Variants in OGT observed in about 807,000 individuals in gnomAD.
OGT encodes the protein UDP-N-acetylglucosamine--peptide N-acetylglucosaminyltransferase 110 kDa subunit.
A neutral mutation model predicts 75.8 loss-of-function variants in OGT; 3 were observed. The ratio of observed to expected loss-of-function variants is 0.04; its 90% CI spans 0.02 to 0.10. The LOEUF (loss-of-function observed/expected upper bound fraction) is 0.10, where lower values mean the gene tolerates loss of function less well. Among genes scored for constraint, OGT ranks in the 10% least tolerant of loss-of-function variants. OGT has a pLI of 1.00. For missense variants in OGT, 260 were observed against 824.4 expected, an observed-to-expected ratio of 0.32 and a Z score of 8.38; for synonymous variants, 257 against 289.7, an observed-to-expected ratio of 0.89 and a Z score of 1.15.
chrX:71,537,829 A>G lies in OGT; in HGVS notation c.219A>G (p.Arg73=). 8.3e-7 allele frequency: 1 copy of G among 1,211,706 alleles called. No homozygotes were observed. Residue 73 remains arginine, a splice_region_variant and synonymous_variant, in exon 3 of 22, where the codon AGA becomes AGG. Coordinates refer to ENST00000373719, the MANE Select transcript of OGT (RefSeq NM_181672.3). ...CATTAACACTTGTCGCCTTTTCCAG[A>G]TCTGCTCACTTTAGCACTCTGGCAA... ...SIHFQCRRLD[R]SAHFSTLAIK...
In OGT at chrX:71,552,330, T is replaced by A. The variant is rs529130824; in HGVS notation, c.649-2183T>A. Among the ~76,000 whole-genome samples, 33 of 111,252 alleles carry A rather than the reference T, an allele frequency of 3.0e-4. No individual in the cohort carries two copies. In the South Asian group the frequency reaches 6.4e-3, roughly 21 times the overall value. ...AACTCAGAGAGGCACATTGACAAAT[T>A]ATATCTGTCTTATTTGGATCCTGAC... On this transcript the variant is annotated intron_variant, in intron 5 of 21. Coordinates refer to ENST00000373719, the MANE Select transcript of OGT (RefSeq NM_181672.3).
intron 3 of OGT, among the ~76,000 whole-genome samples, chrX:71,541,949 C>G (rs1054330178): frequency 4.5e-5 from 5 of 111,363 alleles, no homozygotes; most frequent in Non-Finnish European, 9.4e-5. Context: ...GTGCCCTCCT[C>G]CTTTGTCTAT....
chrX:71,546,541 C>T (rs2040260068), intron 4 of OGT: 3 of 752,796 alleles, frequency 4.0e-6, no homozygotes, highest in Admixed American at 1.8e-4. Flanking sequence ...ATGCCTGAAT[C>T]TTCTGTCTTG....
Position 71,564,753 on chromosome X carries a change from C to T in OGT, c.2589C>T (p.Asn863=). The T allele has an allele frequency of 2.5e-6, 3 of 1,178,270 alleles. No homozygotes were observed. The highest frequency in any genetic ancestry group is 3.4e-6 in the Non-Finnish European group (3 of 871,590). ...CTTCTACTTTGCAGATGTGGGCAAACGTGAGTATGCAAGTATGTTAGAGAC... is the reference window on the plus strand; with the variant it reads ...CTTCTACTTTGCAGATGTGGGCAAATGTGAGTATGCAAGTATGTTAGAGAC... ...IDPSTLQMWA[N]ILKRVPNSVL... is the part of the protein sequence containing the mutation. Residue 863 remains asparagine, a splice_region_variant and synonymous_variant, in exon 19 of 22, where the codon AAC becomes AAT. Transcript: ENST00000373719.
chrX:71,567,732 C>T lies in OGT; in HGVS notation c.2822C>T (p.Thr941Ile). 1 of 1,194,480 alleles carries T rather than the reference C, an allele frequency of 8.4e-7. No homozygotes were observed. Among genetic ancestry groups the T allele is most frequent in the Non-Finnish European group, 1.1e-6 (1 of 883,997 alleles). The change falls in exon 20 of 22, where the codon ACC (threonine) becomes ATC (isoleucine). Residue 941 changes from threonine (T) to isoleucine (I), a missense_variant. Physicochemically the swap from Thr to Ile is moderately conservative, Grantham distance 89. This residue lies in a region of OGT where 9 missense variants were observed against 52.2 expected (regional missense o/e 0.17). Coordinates refer to ENST00000373719, the MANE Select transcript of OGT (RefSeq NM_181672.3). ...GGGATGGATGTCCTCTGGGCAGGGA[C>T]CCCCATGGTGACTATGCCAGGTAAG... ...TTGMDVLWAG[T>I]PMVTMPGETL...
chrX:71,572,044 C>T (rs1402768514), intron 21 of OGT, among the ~76,000 whole-genome samples: 5 of 111,456 alleles, frequency 4.5e-5, no homozygotes, highest in Non-Finnish European at 9.4e-5. Flanking sequence ...GCTGGGATTA[C>T]AGGTGTGAGC....
intron 19 of OGT, 81 bp from the exon 20 acceptor site, chrX:71,567,419 G>C: frequency 3.5e-6 from 3 of 854,557 alleles, no homozygotes; most frequent in Non-Finnish European, 3.2e-6. Flanking sequence ...GAGTGTGGTA[G>C]AATTATTAGA....
At chrX:71,547,747 C>T in intron 4 of OGT, 160 bp from the exon 5 acceptor site, 1 of 1,094,221 alleles carries the variant, frequency 9.1e-7, no homozygotes, top group Non-Finnish European at 1.2e-6. Flanking sequence ...TTGGCGCAAG[C>T]GAGCCTATGC....
In OGT at chrX:71,567,746, A is replaced by C; in HGVS notation, c.2836A>C (p.Met946Leu). The change falls in exon 20 of 22, where the codon ATG becomes CTG. Residue 946 changes from methionine to leucine, a missense_variant. Physicochemically the swap from Met to Leu is conservative, Grantham distance 15. Transcript: ENST00000373719. Reference sequence around the variant, plus strand: ...CTGGGCAGGGACCCCCATGGTGACTATGCCAGGTAAGTTGCTGATAAATCA... The same window carrying C: ...CTGGGCAGGGACCCCCATGGTGACTCTGCCAGGTAAGTTGCTGATAAATCA... ...VLWAGTPMVT[M>L]PGETLASRVA... 8.4e-7 allele frequency: 1 copy of C among 1,186,039 alleles called. No homozygotes were observed. Among genetic ancestry groups the C allele is most frequent in the South Asian group, 1.9e-5 (1 of 53,760 alleles).
At chrX:71,566,003 A>G (rs1399845714) in intron 19 of OGT, among the ~76,000 whole-genome samples, 2 of 112,733 alleles carry the variant, frequency 1.8e-5, no homozygotes, top group African/African-American at 3.2e-5. Context: ...ACAAGTTTGC[A>G]TAAGTGGGAT....
chrX:71,569,865 AG>A (rs1267656285), intron 21 of OGT, among the ~76,000 whole-genome samples: 1 of 106,174 alleles, frequency 9.4e-6, no homozygotes, highest in Non-Finnish European at 1.9e-5. Context: ...CCTCCCGAGT[AG>A]CTGGGACTAC....
chrX:71,546,250 A>G, intron 4 of OGT: 7 of 754,063 alleles, frequency 9.3e-6, no homozygotes, highest in Non-Finnish European at 1.1e-5. Context: ...ATAGACATCC[A>G]AAGAATTTCA....
At chrX:71,563,566 A>G in intron 18 of OGT, 67 bp downstream of exon 18, 1 of 892,815 alleles carries the variant, frequency 1.1e-6, no homozygotes, top group East Asian at 3.2e-5. Flanking sequence ...TAACCTCATG[A>G]TAACTCTAGG....
intron 18 of OGT, 42 bp from the exon 19 acceptor site, chrX:71,564,559 C>T (rs1295820113): frequency 1.8e-6 from 2 of 1,109,344 alleles, no homozygotes; most frequent in African/African-American, 3.7e-5. Context: ...TATTGGACTC[C>T]TTTTGCCTTT....
intron 19 of OGT, among the ~76,000 whole-genome samples, chrX:71,566,424 G>C (rs1350547707): frequency 8.9e-6 from 1 of 112,070 alleles, no homozygotes; most frequent in African/African-American, 3.2e-5. Flanking sequence ...GAAACTTAGA[G>C]TTACGGCGGA....
chrX:71,552,850 C>T (rs1281345141), intron 5 of OGT, among the ~76,000 whole-genome samples: 1 of 110,156 alleles, frequency 9.1e-6, no homozygotes, highest in Admixed American at 9.8e-5. Context: ...TCAAAATGAT[C>T]TGCGAAGAGG....
chrX:71,549,766 A>T (rs1445961409), intron 5 of OGT, among the ~76,000 whole-genome samples: 1 of 112,121 alleles, frequency 8.9e-6, no homozygotes, highest in East Asian at 2.8e-4. Flanking sequence ...CTCAAAAAAA[A>T]TGTACTTTAG....
At chrX:71,561,719 T>G (rs1001670696) in intron 14 of OGT, 56 bp from the exon 15 acceptor site, 4 of 1,022,967 alleles carry the variant, frequency 3.9e-6, no homozygotes, top group African/African-American at 3.9e-5. Context: ...CTAAATGTCA[T>G]TAAAACTAAT....
chrX:71,556,159 A>G, intron 8 of OGT, 65 bp downstream of exon 8: 1 of 1,085,501 alleles, frequency 9.2e-7, no homozygotes, highest in Non-Finnish European at 1.3e-6. Context: ...TAAGTTTACC[A>G]TCATCCACCT....
Sources: allele counts gnomAD v4.1 joint callset (sites outside exome capture counted in the v4.1 genomes callset), GRCh38; gene constraint gnomAD v4.1.1; regional missense constraint gnomAD v4.1.1; transcripts MANE v1.5; gene names NCBI Gene and HGNC (gene_info 2026-07-23, HGNC 2026-07-21).